The following ARHGEF1 variants were observed in gnomAD, a reference collection of about 807,000 sequenced individuals.
The protein encoded by ARHGEF1 is 115 kDa guanine nucleotide exchange factor.
Under a neutral mutation model 119.7 loss-of-function variants are expected in ARHGEF1, and 40 were observed. The observed-to-expected ratio is 0.33, with a 90% CI of 0.26 to 0.44. The LOEUF (loss-of-function observed/expected upper bound fraction) is 0.44. ARHGEF1 is among the 20% of genes least tolerant of loss of function. ARHGEF1 has a pLI of 1.00. For synonymous variants in ARHGEF1, 494 were observed against 521.0 expected (o/e 0.95, Z 0.71); for missense variants, 976 against 1,268.3 (o/e 0.77, Z 3.50).
At chr19:41,918,890 A>G (rs1555852172), upstream of ARHGEF1, among the ~76,000 whole-genome samples, 1 of 149,878 alleles carries the variant, frequency 6.7e-6, no homozygotes. Context: ...CACACCACAT[A>G]CACTACCCAT....
chr19:41,904,107 G>A lies in ARHGEF1; in HGVS notation c.1990G>A (p.Val664Met). The A allele has an allele frequency of 6.2e-7, 1 of 1,614,214 alleles. No individual in the cohort carries two copies. The highest frequency in any genetic ancestry group is 8.5e-7 in the Non-Finnish European group (1 of 1,180,032). ...GTGGCGGGTGACTAAGGACAAGGCA[G>A]TGGGTGAGTGCCAGAGCAGCTGCCT... is the stretch of plus-strand genomic sequence containing the variant. The part of the protein sequence containing the change: ...LTWRVTKDKA[V>M]EVHVLLLDDL... Residue 664 changes from valine (V) to methionine (M), a missense_variant, in exon 21 of 29, where the codon GTG becomes ATG. This residue lies in a region of ARHGEF1 where 286 missense variants were observed against 506.8 expected (regional missense o/e 0.56). Transcript: ENST00000354532. The surrounding 1 kb of genome is among the most constrained non-coding windows in gnomAD (Gnocchi z 8.4).
At chr19:41,894,139 T>TGTGTGTGTGTGTGA in intron 8 of ARHGEF1, 68 bp from the exon 9 acceptor site, 1 of 793,736 alleles carries the variant, frequency 1.3e-6, no homozygotes, top group African/African-American at 1.8e-5. Flanking sequence ...TGTGTGAGTG[T>TGTGTGTGTGTGTGA]GTGTGTGTGT....
Position 41,902,549 on chromosome 19 carries a change from G to C in ARHGEF1, c.1514G>C (p.Gly505Ala). 6.2e-7 allele frequency: 1 copy of C among 1,614,120 alleles called. No individual in the cohort carries two copies. Among genetic ancestry groups the C allele is most frequent in the Non-Finnish European group, 8.5e-7 (1 of 1,180,030 alleles). Reference protein sequence around the residue: ...VLLARFDGAEGSWFQKISSRF... With the variant: ...VLLARFDGAEASWFQKISSRF... ...TCGCTGTAGTTTGATGGTGCTGAGG[G>C]CTCCTGGTTCCAGAAAATCTCCTCC... Residue 505 changes from glycine to alanine, a missense_variant, in exon 17 of 29, where the codon GGC becomes GCC. By Grantham distance (60) the Gly-to-Ala change is moderately conservative (BLOSUM62 0). Coordinates refer to ENST00000354532, the MANE Select transcript of ARHGEF1 (RefSeq NM_004706.4). This position sits in a 1 kb window ranked among gnomAD's most constrained non-coding sequence, Gnocchi z 6.5.
chr19:41,907,009 TTC>T (rs2074711179), intron 28 of ARHGEF1, 94 bp from the exon 29 acceptor site: 3 of 1,237,930 alleles, frequency 2.4e-6, no homozygotes, highest in South Asian at 1.6e-5. Flanking sequence ...CCACCTCCCC[TTC>T]TCTCTCTGCT....
intron 2 of ARHGEF1, among the ~76,000 whole-genome samples, chr19:41,929,192 C>G (rs1434866594): frequency 1.3e-5 from 2 of 152,006 alleles, no homozygotes; most frequent in African/African-American, 4.8e-5. Context: ...CACACCTTCC[C>G]CAACCCACAG....
intron 1 of ARHGEF1, among the ~76,000 whole-genome samples, chr19:41,885,194 C>G (rs1268510430): frequency 6.6e-6 from 1 of 152,096 alleles, no homozygotes; most frequent in African/African-American, 2.4e-5. Context: ...AATTCTCCAG[C>G]CTTTGTGGGA....
At chr19:41,913,999 C>T (rs904578784) in intron 18 of ARHGEF1, among the ~76,000 whole-genome samples, 5 of 151,410 alleles carry the variant, frequency 3.3e-5, no homozygotes, top group Non-Finnish European at 5.9e-5. Context: ...CTGATACTCC[C>T]CACTGCTCCC....
In ARHGEF1 at chr19:41,905,451, TGTGTGC is replaced by T. The variant is rs782405439; in HGVS notation, c.2336+197_2336+202del. On this transcript the variant is annotated intron_variant, in intron 24 of 28. Coordinates refer to ENST00000354532, the MANE Select transcript of ARHGEF1 (RefSeq NM_004706.4). The surrounding 1 kb of genome is among the most constrained non-coding windows in gnomAD (Gnocchi z 6.4). ...CATATATAGTGTGTGTATGCATGCA[TGTGTGC>T]GTGTGCATGTGTGTGCGTGTATGGT... 3.2e-6 allele frequency: 2 copies of T among 622,408 alleles called. No individual in the cohort carries two copies. Among genetic ancestry groups the T allele is most frequent in the Non-Finnish European group, 5.6e-6 (2 of 356,202 alleles). The allele number at this position is 622,408 out of a possible 1,614,324, so 38.6% of individuals were successfully genotyped here.
At chr19:41,885,000 C>T (rs565675871) in intron 1 of ARHGEF1, among the ~76,000 whole-genome samples, 2 of 152,260 alleles carry the variant, frequency 1.3e-5, no homozygotes, top group East Asian at 3.9e-4. Context: ...GAGTCACCTG[C>T]TCAACACATT....
chr19:41,910,024 A>AAAG, downstream of ARHGEF1: 1 of 1,613,662 alleles, frequency 6.2e-7, no homozygotes, highest in Non-Finnish European at 8.5e-7. This position sits in a 1 kb window ranked among gnomAD's most constrained non-coding sequence, Gnocchi z 4.4. Flanking sequence ...GCTCCAGGAT[A>AAAG]AAGTGCCACA....
At chr19:41,908,071 C>G (rs1461959075), downstream of ARHGEF1, 1 of 495,098 alleles carries the variant, frequency 2.0e-6, no homozygotes, top group Admixed American at 4.4e-5. The surrounding 1 kb of genome is among the most constrained non-coding windows in gnomAD (Gnocchi z 6.7). Context: ...GAAGTGAGAC[C>G]CCCCCCACTC....
chr19:41,897,911 A>G (rs1555848224), intron 13 of ARHGEF1: 1 of 1,282,960 alleles, frequency 7.8e-7, no homozygotes. Flanking sequence ...TGTCCCCGGC[A>G]TCTGCCTGAC....
At chr19:41,928,281 AGCAGAGACGGGGAGAT>A (rs1555853495) in intron 1 of ARHGEF1, 2 of 152,268 alleles carry the variant, frequency 1.3e-5, no homozygotes, top group African/African-American at 4.8e-5. Context: ...CGGGGAGACG[AGCAGAGACGGGGAGAT>A]GCAGAGAGGG....
At chr19:41,898,408 C>G (rs1555848352) in intron 13 of ARHGEF1, 34 bp from the exon 14 acceptor site, 3 of 1,548,862 alleles carry the variant, frequency 1.9e-6, no homozygotes, top group Non-Finnish European at 8.7e-7. Context: ...TGGGATGGCC[C>G]AAGCTGGGGC....
chr19:41,887,824 A>G (rs2074316480), intron 1 of ARHGEF1, among the ~76,000 whole-genome samples: 1 of 152,078 alleles, frequency 6.6e-6, no homozygotes, highest in Non-Finnish European at 1.5e-5. Flanking sequence ...CAGCCTTCCC[A>G]TGGACCCAGG....
chr19:41,887,686 T>G (rs111747368), intron 1 of ARHGEF1, among the ~76,000 whole-genome samples: 5,395 of 152,164 alleles, frequency 0.035, 321 homozygotes, highest in African/African-American at 0.12. Context: ...TCCCATCCCC[T>G]CTTGCCTCTG....
In ARHGEF1 at chr19:41,888,734, CCCTT is replaced by C. The variant is rs1339908305; in HGVS notation, c.112-14_112-11del. 1 of 1,611,358 alleles carries C rather than the reference CCCTT, an allele frequency of 6.2e-7. No homozygotes were observed. The highest frequency in any genetic ancestry group is 8.5e-7 in the Non-Finnish European group (1 of 1,177,632). On this transcript the variant is annotated splice_polypyrimidine_tract_variant and intron_variant, in intron 3 of 28. Coordinates refer to ENST00000354532, the MANE Select transcript of ARHGEF1 (RefSeq NM_004706.4). The surrounding 1 kb of genome is among the most constrained non-coding windows in gnomAD (Gnocchi z 5.1). ...CTCCTCTTCTCCCCATTGTACTCACCCCTTCCTGCACCCCCAGAACTCAGAAGAG... is the reference window on the plus strand; with the variant it reads ...CTCCTCTTCTCCCCATTGTACTCACCCCTGCACCCCCAGAACTCAGAAGAG...
Position 41,902,137 on chromosome 19 carries a change from G to A in ARHGEF1, c.1414+104G>A. The A allele has an allele frequency of 1.3e-6, 2 of 1,566,250 alleles. No individual in the cohort carries two copies. Among genetic ancestry groups the A allele is most frequent in the East Asian group, 2.3e-5 (1 of 44,226 alleles). On this transcript the variant is annotated intron_variant, in intron 15 of 28. Transcript: ENST00000354532. This position sits in a 1 kb window ranked among gnomAD's most constrained non-coding sequence, Gnocchi z 6.5. ...TCGGGAACCCCAGGGTTCACATGGG[G>A]TGGGGGCAGATACGCCATCCGGTCC... is the stretch of plus-strand genomic sequence containing the variant.
Position 41,892,224 on chromosome 19 carries a change from A to C in ARHGEF1, c.324+101A>C. ...CTGCCCTGAGGGCAGCTGCTGACCC[A>C]GGCCTTCCCCAGCACCCTCGCTTAG... On this transcript the variant is annotated intron_variant, in intron 5 of 28. Transcript: ENST00000354532. This position sits in a 1 kb window ranked among gnomAD's most constrained non-coding sequence, Gnocchi z 6.3. 1 of 1,567,810 alleles carries C rather than the reference A, an allele frequency of 6.4e-7. No individual in the cohort carries two copies. The highest frequency in any genetic ancestry group is 1.1e-5 in the South Asian group (1 of 89,526).
Sources: gnomAD v4.1 joint callset for allele counts (sites outside exome capture counted in the v4.1 genomes callset) on GRCh38, gnomAD v4.1.1 for gene constraint, gnomAD v4.1.1 regional missense constraint, Gnocchi (gnomAD v3.1) non-coding constraint, MANE v1.5 for transcripts, NCBI Gene and HGNC (gene_info 2026-07-23, HGNC 2026-07-21) for gene names.